CDH20: variants seen among roughly 807,000 people sequenced by gnomAD.
CDH20 encodes the protein cadherin 20, also known as cadherin-20.
Under a neutral mutation model 74.2 loss-of-function variants are expected in CDH20, and 29 were observed. The observed-to-expected ratio is 0.39, with a 90% CI of 0.29 to 0.53. CDH20 has a LOEUF of 0.53. Among genes scored for constraint, CDH20 ranks in the 20% least tolerant of loss-of-function variants. The pLI is 0.69. For synonymous variants in CDH20, 469 were observed against 405.4 expected, an observed-to-expected ratio of 1.16 and a Z score of -1.88; for missense variants, 988 against 1,048.3, an observed-to-expected ratio of 0.94 and a Z score of 0.79.
intron 1 of CDH20, among the ~76,000 whole-genome samples, chr18:61,364,480 C>A (rs575848374): frequency 1.3e-5 from 2 of 152,196 alleles, no homozygotes; most frequent in East Asian, 3.9e-4. Flanking sequence ...ACCCAGCTAA[C>A]TTTGTATTTT....
At chr18:61,472,611 G>A (rs745568470) in intron 1 of CDH20, among the ~76,000 whole-genome samples, 1 of 152,138 alleles carries the variant, frequency 6.6e-6, no homozygotes, top group East Asian at 1.9e-4. Flanking sequence ...ATATCTTTAC[G>A]AAATGTTCAA....
chr18:61,504,574 C>T (rs1014848376), intron 5 of CDH20, among the ~76,000 whole-genome samples: 8 of 151,980 alleles, frequency 5.3e-5, no homozygotes, highest in Non-Finnish European at 7.3e-5. Flanking sequence ...GAGCTATGAA[C>T]GTGGAACAGA....
At chr18:61,510,980 C>CTTTTTTTTTTTTT (rs112741210) in intron 6 of CDH20, among the ~76,000 whole-genome samples, 27 of 135,980 alleles carry the variant, frequency 2.0e-4, no homozygotes, top group East Asian at 6.7e-4. Flanking sequence ...TTCTTTCTTT[C>CTTTTTTTTTTTTT]TTTTTTTTTT....
At chr18:61,484,737 C>CCACACA (rs36203080) in intron 1 of CDH20, among the ~76,000 whole-genome samples, 183 of 146,348 alleles carry the variant, frequency 1.3e-3, no homozygotes, top group African/African-American at 4.5e-3. Flanking sequence ...TTGCTCTACT[C>CCACACA]CACACACACA....
chr18:61,497,335 C>G (rs943426405), intron 2 of CDH20, among the ~76,000 whole-genome samples: 1 of 152,178 alleles, frequency 6.6e-6, no homozygotes, highest in Non-Finnish European at 1.5e-5. Context: ...CAAAGCCAGC[C>G]ACAACCTCCA....
At chr18:61,450,350 C>A (rs1302860603) in intron 1 of CDH20, among the ~76,000 whole-genome samples, 3 of 142,720 alleles carry the variant, frequency 2.1e-5, no homozygotes, top group African/African-American at 7.8e-5. Context: ...CAAGGTCACA[C>A]AGCCAGAGGA....
At chr18:61,355,455 A>T (rs765148743) in intron 1 of CDH20, among the ~76,000 whole-genome samples, 1 of 152,246 alleles carries the variant, frequency 6.6e-6, no homozygotes, top group Non-Finnish European at 1.5e-5. Context: ...ACGTTTTAGT[A>T]TTTACACACA....
At chr18:61,340,020 C>G (rs577810615) in intron 1 of CDH20, among the ~76,000 whole-genome samples, 18 of 151,932 alleles carry the variant, frequency 1.2e-4, no homozygotes, top group Non-Finnish European at 2.1e-4. Context: ...ACATGTAGCC[C>G]CCAACACCCC....
chr18:61,493,595 A>G (rs892539904), intron 2 of CDH20, among the ~76,000 whole-genome samples: 1 of 152,116 alleles, frequency 6.6e-6, no homozygotes, highest in East Asian at 1.9e-4. Flanking sequence ...CTGACCCCAC[A>G]TGTGTGCCCA....
At chr18:61,362,576 G>A (rs1910731767) in intron 1 of CDH20, among the ~76,000 whole-genome samples, 1 of 152,142 alleles carries the variant, frequency 6.6e-6, no homozygotes, top group Non-Finnish European at 1.5e-5. Flanking sequence ...CATTATGTTA[G>A]ACAGTAATAA....
rs1215264590 is a variant in CDH20 at position 61,546,117 on chromosome 18, T to C, written c.1648+973T>C. Among the ~76,000 whole-genome samples, 13 of 152,326 alleles carry C rather than the reference T, an allele frequency of 8.5e-5. No individual in the cohort carries two copies. The East Asian group carries it at 2.5e-3, about 29-fold the overall frequency. On this transcript the variant is annotated intron_variant, in intron 10 of 11. Coordinates refer to ENST00000262717, the MANE Select transcript of CDH20 (RefSeq NM_031891.4). ...CTGCTGCCAGCTAGCCAGCTGACCCTGGGAAGGTCATCACTTCTTGAGACT... is the reference window on the plus strand; with the variant it reads ...CTGCTGCCAGCTAGCCAGCTGACCCCGGGAAGGTCATCACTTCTTGAGACT...
At chr18:61,350,997 T>C (rs1910286620) in intron 1 of CDH20, among the ~76,000 whole-genome samples, 1 of 152,214 alleles carries the variant, frequency 6.6e-6, no homozygotes, top group Non-Finnish European at 1.5e-5. Context: ...TTCCAGTCTC[T>C]GATACAGCTC....
intron 1 of CDH20, among the ~76,000 whole-genome samples, chr18:61,453,568 C>T (rs1909469710): frequency 6.6e-6 from 1 of 152,180 alleles, no homozygotes; most frequent in South Asian, 2.1e-4. Flanking sequence ...CGTGAGCCAC[C>T]ACGCCCAGCC....
At chr18:61,415,060 G>A (rs911798312) in intron 1 of CDH20, among the ~76,000 whole-genome samples, 1 of 152,026 alleles carries the variant, frequency 6.6e-6, no homozygotes, top group Non-Finnish European at 1.5e-5. Flanking sequence ...AAAATAATGA[G>A]AAGAGGTTTT....
At chr18:61,538,217 G>A (rs1912878228) in intron 8 of CDH20, among the ~76,000 whole-genome samples, 1 of 152,204 alleles carries the variant, frequency 6.6e-6, no homozygotes, top group South Asian at 2.1e-4. Flanking sequence ...TCAAAGAACT[G>A]ATGATTCCAC....
chr18:61,554,947 T>C lies in CDH20; in HGVS notation c.*252T>C, dbSNP rs1913580343. ...TTTCTTTTTGATTTTTCTGACACTG[T>C]GTGCGAAGGCTTGGAGTCCAAGGTG... On this transcript the variant is annotated 3_prime_UTR_variant, in exon 12 of 12. Coordinates refer to ENST00000262717, the MANE Select transcript of CDH20 (RefSeq NM_031891.4). 1 of 1,346,828 alleles carries C rather than the reference T, an allele frequency of 7.4e-7. No individual in the cohort carries two copies. Among genetic ancestry groups the C allele is most frequent in the East Asian group, 2.7e-5 (1 of 37,426 alleles). 83.4% of individuals were successfully genotyped at this position (1,346,828 alleles called of 1,614,324 possible).
At chr18:61,451,031 A>G (rs1181263373) in intron 1 of CDH20, among the ~76,000 whole-genome samples, 1 of 152,112 alleles carries the variant, frequency 6.6e-6, no homozygotes, top group Non-Finnish European at 1.5e-5. Flanking sequence ...AATGGATAAA[A>G]TATGGCTTGG....
intron 1 of CDH20, among the ~76,000 whole-genome samples, chr18:61,356,631 C>T (rs1164882629): frequency 1.3e-5 from 2 of 152,140 alleles, no homozygotes; most frequent in Non-Finnish European, 2.9e-5. Context: ...AGTTAAGTAA[C>T]TCAATTTGGT....
chr18:61,343,942 G>A (rs941073298), intron 1 of CDH20, among the ~76,000 whole-genome samples: 1 of 152,068 alleles, frequency 6.6e-6, no homozygotes, highest in African/African-American at 2.4e-5. Context: ...TGAGTTCCCA[G>A]CAGCCAGAGG....
Sources: gnomAD v4.1 joint callset for allele counts (sites outside exome capture counted in the v4.1 genomes callset) on GRCh38, gnomAD v4.1.1 for gene constraint, MANE v1.5 for transcripts, NCBI Gene and HGNC (gene_info 2026-07-23, HGNC 2026-07-21) for gene names.